Variants in NKD2 observed in about 807,000 individuals in gnomAD.
NKD2 encodes NKD inhibitor of Wnt signaling pathway 2, also known as protein naked cuticle homolog 2.
A neutral mutation model predicts 34.8 loss-of-function variants in NKD2; 43 were observed. That is an observed-to-expected ratio of 1.24 (90% CI 0.97 to 1.60). NKD2 has a LOEUF of 1.60. Among genes scored for constraint, NKD2 ranks in the 40% most tolerant of loss-of-function variants. NKD2 has a pLI of 0.00. For synonymous variants in NKD2, 278 were observed against 265.1 expected, an observed-to-expected ratio of 1.05 and a Z score of -0.47; for missense variants, 675 against 627.1, an observed-to-expected ratio of 1.08 and a Z score of -0.82.
rs1280412398 is a variant in NKD2, at chr5:1,034,262, G to A, written c.358G>A (p.Glu120Lys). The A allele has an allele frequency of 3.7e-6, 6 of 1,612,494 alleles. No homozygotes were observed. Among genetic ancestry groups the A allele is most frequent in the South Asian group, 2.2e-5 (2 of 90,950 alleles). The part of the protein sequence containing the change: ...DALQCDVSVE[E>K]DDRQEWTFTL... The stretch of plus-strand genomic sequence containing the variant: ...ACTCCAGTGCGATGTCTCGGTGGAG[G>A]AGGACGACCGCCAGGAGTGGACGTT... Residue 120 changes from glutamate (E) to lysine (K), a missense_variant, in exon 6 of 10, where the codon GAG (glutamate) becomes AAG (lysine). Transcript: ENST00000296849.
At chr5:1,013,130 C>T (rs200681719) in intron 3 of NKD2, among the ~76,000 whole-genome samples, 2 of 152,150 alleles carry the variant, frequency 1.3e-5, no homozygotes, top group African/African-American at 4.8e-5. Context: ...TTTGGGGGTG[C>T]AAGCCACTCC....
At chr5:1,034,700 G>GGC in intron 6 of NKD2, 56 bp from the exon 7 acceptor site, 10 of 1,565,360 alleles carry the variant, frequency 6.4e-6, no homozygotes, top group Non-Finnish European at 8.7e-6. Flanking sequence ...TGGCAGGGAG[G>GGC]GCGGGTGGTG....
intron 3 of NKD2, among the ~76,000 whole-genome samples, chr5:1,016,532 A>G (rs1755958302): frequency 6.6e-6 from 1 of 152,266 alleles, no homozygotes; most frequent in African/African-American, 2.4e-5. Context: ...AAATATTGTA[A>G]TACAAACATT....
intron 3 of NKD2, among the ~76,000 whole-genome samples, chr5:1,030,497 C>T (rs145367104): frequency 6.6e-6 from 1 of 152,230 alleles, no homozygotes; most frequent in Admixed American, 6.5e-5. Flanking sequence ...CACTGCTCTG[C>T]ACTCCATGGA....
chr5:1,012,068 GACTGC>G (rs1755772911), intron 3 of NKD2, among the ~76,000 whole-genome samples: 1 of 152,376 alleles, frequency 6.6e-6, no homozygotes, highest in East Asian at 1.9e-4. Context: ...AAGTGGTAGT[GACTGC>G]AGGGAGGATG....
At chr5:1,035,736 G>GCTGTGGCTCA (rs942353478) in intron 8 of NKD2, 2 of 521,216 alleles carry the variant, frequency 3.8e-6, no homozygotes, top group Admixed American at 7.2e-5. Flanking sequence ...GTCTGGACTT[G>GCTGTGGCTCA]CTGTGGCTCA....
chr5:1,029,292 A>G (rs1756546921), intron 3 of NKD2, among the ~76,000 whole-genome samples: 1 of 152,226 alleles, frequency 6.6e-6, no homozygotes, highest in Non-Finnish European at 1.5e-5. Context: ...CCTCTGTGTT[A>G]GGAACTCAGT....
intron 3 of NKD2, among the ~76,000 whole-genome samples, chr5:1,022,067 G>T (rs1405976286): frequency 6.8e-6 from 1 of 146,194 alleles, no homozygotes. Flanking sequence ...AGTCGAAACG[G>T]GGTCCTTGCT....
At chr5:1,037,710 G>C in intron 9 of NKD2, 95 bp from the exon 10 acceptor site, 1 of 1,547,644 alleles carries the variant, frequency 6.5e-7, no homozygotes, top group Non-Finnish European at 8.7e-7. Context: ...TGGGACCCCT[G>C]GCGCAGCTCT....
chr5:1,019,770 G>A (rs778258939), intron 3 of NKD2, among the ~76,000 whole-genome samples: 14 of 152,146 alleles, frequency 9.2e-5, no homozygotes, highest in African/African-American at 2.4e-4. Context: ...ACCCTGAAAC[G>A]CGGCAGGGTT....
At chr5:1,031,793 G>A (rs913802374) in intron 3 of NKD2, among the ~76,000 whole-genome samples, 3 of 152,044 alleles carry the variant, frequency 2.0e-5, no homozygotes, top group Admixed American at 6.5e-5. Context: ...CTGGGAGCAG[G>A]CCCCAGAGCA....
rs759562166 is a variant in NKD2 at position 1,009,094 on chromosome 5, GC to G, written c.25+14del. On this transcript the variant is annotated intron_variant, in intron 1 of 9. Coordinates refer to ENST00000296849, the MANE Select transcript of NKD2 (RefSeq NM_033120.4). The surrounding 1 kb of genome is among the most constrained non-coding windows in gnomAD (Gnocchi z 6.9). ...GCAGTCGAAGCACGGTGAGCCGCGGGCCGGTAGGGCGGGAGGGCGGGCGGGC... is the reference window on the plus strand; with the variant it reads ...GCAGTCGAAGCACGGTGAGCCGCGGGCGGTAGGGCGGGAGGGCGGGCGGGC... 3.2e-4 allele frequency: 145 copies of G among 451,060 alleles called. No homozygotes were observed. The highest frequency in any genetic ancestry group is 4.7e-4 in the Non-Finnish European group (121 of 257,646). The allele number at this position is 451,060 out of a possible 1,614,324, so 27.9% of individuals were successfully genotyped here. A position where few individuals can be genotyped will look rare whatever the true frequency, so the allele number is the denominator to read the frequency against.
chr5:1,028,049 T>C (rs992963433), intron 3 of NKD2, among the ~76,000 whole-genome samples: 1 of 152,074 alleles, frequency 6.6e-6, no homozygotes, highest in Non-Finnish European at 1.5e-5. Flanking sequence ...CCAAGGAAGC[T>C]GGGGGTTGAG....
intron 3 of NKD2, among the ~76,000 whole-genome samples, chr5:1,017,499 T>C (rs1453266194): frequency 2.0e-5 from 3 of 152,236 alleles, no homozygotes; most frequent in Non-Finnish European, 2.9e-5. Flanking sequence ...CTTCCAGCCG[T>C]GGGATTCCAG....
chr5:1,020,272 A>G (rs1001510838), intron 3 of NKD2, among the ~76,000 whole-genome samples: 5 of 152,194 alleles, frequency 3.3e-5, no homozygotes, highest in African/African-American at 4.8e-5. Context: ...GCAGGGGCGC[A>G]CACACGTATA....
rs966261286 is a variant in NKD2, at chr5:1,008,819, C to G, written c.-239C>G. The stretch of plus-strand genomic sequence containing the variant: ...ACGCGCTCAGAGGGAGCCGGGCCGC[C>G]GTCGCTGCCGCCGCTGTCCCCGCGC... On this transcript the variant is annotated 5_prime_UTR_variant, in exon 1 of 10. Transcript: ENST00000296849. 8.1e-6 allele frequency: 2 copies of G among 246,102 alleles called. No homozygotes were observed. Among genetic ancestry groups the G allele is most frequent in the Non-Finnish European group, 1.5e-5 (2 of 130,612 alleles). The allele number at this position is 246,102 out of a possible 1,614,324, so 15.2% of individuals were successfully genotyped here.
chr5:1,023,730 C>T, intron 3 of NKD2, among the ~76,000 whole-genome samples: 2 of 2,484 alleles, frequency 8.1e-4, no homozygotes, highest in African/African-American at 8.5e-4. Flanking sequence ...CTCTTCCCAC[C>T]CTCTGTGGGC....
chr5:1,033,444 G>A lies in NKD2; in HGVS notation c.275G>A (p.Arg92Lys). The change falls in exon 5 of 10, where the codon AGG (arginine) becomes AAG (lysine). Residue 92 changes from arginine to lysine, a missense_variant. Transcript: ENST00000296849. ...GQLLSADDGERAANREGPRGP... is the reference protein window; with the variant it reads ...GQLLSADDGEKAANREGPRGP... Reference sequence around the variant, plus strand: ...CTCCTCAGCGCAGATGACGGAGAGAGGGCAGCAAACCGCGAGGGCCCGCGA... The same window carrying A: ...CTCCTCAGCGCAGATGACGGAGAGAAGGCAGCAAACCGCGAGGGCCCGCGA... 6.3e-7 allele frequency: 1 copy of A among 1,575,030 alleles called. No homozygotes were observed.
At chr5:1,021,812 A>C (rs1031436442) in intron 3 of NKD2, among the ~76,000 whole-genome samples, 20 of 151,896 alleles carry the variant, frequency 1.3e-4, no homozygotes, top group African/African-American at 4.8e-4. Flanking sequence ...CATTTTGGAG[A>C]GGCTTCTTTG....
Sources: gnomAD v4.1 joint callset for allele counts (sites outside exome capture counted in the v4.1 genomes callset) on GRCh38, gnomAD v4.1.1 for gene constraint, Gnocchi (gnomAD v3.1) non-coding constraint, MANE v1.5 for transcripts, NCBI Gene and HGNC (gene_info 2026-07-23, HGNC 2026-07-21) for gene names.